Variants in CCDC192 observed in about 807,000 individuals in gnomAD.
CCDC192 encodes coiled-coil domain-containing protein 192.
intron 3 of CCDC192, among the ~76,000 whole-genome samples, chr5:127,795,289 CAAAA>C (rs762627670): frequency 2.6e-5 from 2 of 76,604 alleles, no homozygotes. Flanking sequence ...GACTCTATCT[CAAAA>C]AAAAAAAAAA....
intron 5 of CCDC192, among the ~76,000 whole-genome samples, chr5:127,818,661 C>A (rs1406004340): frequency 1.3e-5 from 2 of 152,076 alleles, no homozygotes; most frequent in Non-Finnish European, 2.9e-5. Context: ...CTCCAAGAAG[C>A]CATCAGGTAT....
At chr5:127,818,583 G>A (rs895416685) in intron 5 of CCDC192, among the ~76,000 whole-genome samples, 5 of 152,164 alleles carry the variant, frequency 3.3e-5, no homozygotes, top group Admixed American at 1.3e-4. Context: ...TGGAATGATC[G>A]TGGCTGTCAA....
At chr5:127,727,107 C>G (rs1561449685) in intron 2 of CCDC192, among the ~76,000 whole-genome samples, 1 of 152,240 alleles carries the variant, frequency 6.6e-6, no homozygotes, top group East Asian at 1.9e-4. Context: ...TGGGAGGGAC[C>G]CTGACAAATA....
chr5:127,854,640 C>T (rs191282526), intron 5 of CCDC192, among the ~76,000 whole-genome samples: 1 of 152,236 alleles, frequency 6.6e-6, no homozygotes, highest in African/African-American at 2.4e-5. Flanking sequence ...TAACCTAGAC[C>T]TCCTTGACTG....
intron 3 of CCDC192, among the ~76,000 whole-genome samples, chr5:127,781,359 C>G (rs1013308806): frequency 2.0e-5 from 3 of 152,060 alleles, no homozygotes; most frequent in Admixed American, 1.3e-4. Flanking sequence ...TTTTCTAATT[C>G]TGTGAAGAAT....
chr5:127,770,300 C>T (rs74627338), intron 3 of CCDC192, among the ~76,000 whole-genome samples: 2,550 of 152,314 alleles, frequency 0.017, 34 homozygotes, highest in African/African-American at 0.039. Flanking sequence ...TATAATATAA[C>T]TGCAGTGACC....
At chr5:127,797,770 TATATA>T (rs1561494244) in intron 4 of CCDC192, among the ~76,000 whole-genome samples, 188 of 17,172 alleles carry the variant, frequency 0.011, 1 homozygote, top group Middle Eastern at 0.036. Flanking sequence ...TATATATATA[TATATA>T]TATTTATTTA....
chr5:127,712,605 C>T (rs959214860), intron 2 of CCDC192, among the ~76,000 whole-genome samples: 13 of 152,178 alleles, frequency 8.5e-5, no homozygotes, highest in African/African-American at 3.1e-4. Context: ...AATTACCAAG[C>T]CTCAGATATT....
intron 3 of CCDC192, among the ~76,000 whole-genome samples, chr5:127,769,152 G>C (rs890498915): frequency 1.7e-4 from 26 of 152,196 alleles, no homozygotes; most frequent in African/African-American, 6.3e-4. Context: ...CAGACAATAA[G>C]AAGAGATAAA....
At chr5:127,900,146 G>A (rs1752999592) in intron 6 of CCDC192, among the ~76,000 whole-genome samples, 1 of 152,150 alleles carries the variant, frequency 6.6e-6, no homozygotes, top group Admixed American at 6.5e-5. Context: ...CCTAGTATTT[G>A]GGCTATGCCT....
At chr5:127,737,816 A>G (rs1753114920) in intron 2 of CCDC192, among the ~76,000 whole-genome samples, 1 of 152,006 alleles carries the variant, frequency 6.6e-6, no homozygotes, top group Non-Finnish European at 1.5e-5. Context: ...TTTTGAGCCT[A>G]TGTGTGACTC....
chr5:127,750,363 C>T (rs1754071417), intron 2 of CCDC192, among the ~76,000 whole-genome samples: 3 of 152,152 alleles, frequency 2.0e-5, no homozygotes, highest in Non-Finnish European at 4.4e-5. Context: ...GCCTTCATTT[C>T]ATTATGTACC....
At chr5:127,746,644 T>C (rs1003152831) in intron 2 of CCDC192, among the ~76,000 whole-genome samples, 94 of 151,502 alleles carry the variant, frequency 6.2e-4, no homozygotes, top group African/African-American at 2.2e-3. Context: ...TTTGAACCCA[T>C]TTTTGAAATT....
At chr5:127,872,592 C>A (rs1751907823) in intron 5 of CCDC192, among the ~76,000 whole-genome samples, 1 of 152,154 alleles carries the variant, frequency 6.6e-6, no homozygotes, top group African/African-American at 2.4e-5. Context: ...TCCATCCAGT[C>A]CCTGCTTGAT....
chr5:127,761,608 C>G (rs1486518485), intron 3 of CCDC192, among the ~76,000 whole-genome samples: 1 of 152,064 alleles, frequency 6.6e-6, no homozygotes, highest in Non-Finnish European at 1.5e-5. Flanking sequence ...ACAATAAAAC[C>G]TAAGGCCAAA....
chr5:127,924,410 A>G (rs1426015517), intron 6 of CCDC192, among the ~76,000 whole-genome samples: 1 of 152,232 alleles, frequency 6.6e-6, no homozygotes, highest in African/African-American at 2.4e-5. Flanking sequence ...ACAAATGCCC[A>G]TAAGTCTTAA....
At chr5:127,824,475 T>G (rs1311003480) in intron 5 of CCDC192, among the ~76,000 whole-genome samples, 1 of 152,222 alleles carries the variant, frequency 6.6e-6, no homozygotes, top group Non-Finnish European at 1.5e-5. Flanking sequence ...TTAATGCTTT[T>G]CTCACTGGGG....
intron 6 of CCDC192, among the ~76,000 whole-genome samples, chr5:127,881,941 T>A (rs1752370595): frequency 6.6e-6 from 1 of 152,142 alleles, no homozygotes; most frequent in Non-Finnish European, 1.5e-5. Flanking sequence ...TTTAAAACAA[T>A]CCTTGTGACC....
chr5:127,831,059 A>G (rs182612387), intron 5 of CCDC192, among the ~76,000 whole-genome samples: 2 of 152,266 alleles, frequency 1.3e-5, no homozygotes, highest in African/African-American at 4.8e-5. Context: ...TGACACTTCT[A>G]AATTTGTACA....
Sources: allele counts gnomAD v4.1 joint callset (sites outside exome capture counted in the v4.1 genomes callset), GRCh38; gene constraint gnomAD v4.1.1; transcripts MANE v1.5; gene names NCBI Gene and HGNC (gene_info 2026-07-23, HGNC 2026-07-21).